The following DIPK2B variants were observed in gnomAD, a reference collection of about 807,000 sequenced individuals.
DIPK2B encodes divergent protein kinase domain 2B, also known as UPF0672 protein CXorf36.
In DIPK2B, 15 loss-of-function variants were observed where a neutral mutation model predicts 22.2. That is an observed-to-expected ratio of 0.68 (90% CI 0.45 to 1.04). The LOEUF (loss-of-function observed/expected upper bound fraction) is 1.04, where lower values mean the gene tolerates loss of function less well. Ranked by LOEUF, DIPK2B falls within the 50% of genes least tolerant of loss-of-function variation. The pLI is 0.00. For synonymous variants in DIPK2B, 163 were observed against 153.2 expected (o/e 1.06, Z -0.47); for missense variants, 345 against 348.3 (o/e 0.99, Z 0.08).
chrX:45,162,632 T>A, intron 2 of DIPK2B: 1 of 754,639 alleles, frequency 1.3e-6, no homozygotes, highest in African/African-American at 2.3e-5. Context: ...ATTTTGGGGA[T>A]TACCAATTGC....
At chrX:45,158,302 G>A (rs1420191891) in intron 2 of DIPK2B, among the ~76,000 whole-genome samples, 1 of 109,838 alleles carries the variant, frequency 9.1e-6, no homozygotes, top group Non-Finnish European at 1.9e-5. Flanking sequence ...GAAGGGGAGA[G>A]AAGGCGGACT....
chrX:45,172,698 C>T (rs1296842251), intron 2 of DIPK2B, among the ~76,000 whole-genome samples: 2 of 111,978 alleles, frequency 1.8e-5, no homozygotes, highest in Non-Finnish European at 3.8e-5. Flanking sequence ...ATAGTTGGGG[C>T]TAGCAGGGAA....
In DIPK2B at chrX:45,151,451, C is replaced by T. The variant is rs2148331699; in HGVS notation, c.*201G>A. 4.5e-6 allele frequency: 2 copies of T among 442,776 alleles called. No homozygotes were observed. Among genetic ancestry groups the T allele is most frequent in the East Asian group, 7.5e-5 (2 of 26,674 alleles). The allele number at this position is 442,776 out of a possible 1,213,427, so 36.5% of individuals were successfully genotyped here. On this transcript the variant is annotated 3_prime_UTR_variant, in exon 5 of 5. Coordinates refer to ENST00000398000, the MANE Select transcript of DIPK2B (RefSeq NM_176819.4). ...GTCCACACCCAGGTCTTCTGATGCC[C>T]ACCGCGGGCTTTGCCAGGACGTCCC...
At chrX:45,168,124 A>T (rs755500639) in intron 2 of DIPK2B, among the ~76,000 whole-genome samples, 1 of 112,870 alleles carries the variant, frequency 8.9e-6, no homozygotes, top group East Asian at 2.8e-4. Context: ...ATCTAAGTAG[A>T]TAGCTCCCAA....
At chrX:45,163,966 G>A (rs181848759) in intron 2 of DIPK2B, 6 of 945,872 alleles carry the variant, frequency 6.3e-6, no homozygotes, top group African/African-American at 2.0e-5. Flanking sequence ...GGAAAGAGCC[G>A]GGGCTTTGGA....
At chrX:45,178,394 G>C (rs1182135338) in intron 2 of DIPK2B, among the ~76,000 whole-genome samples, 1 of 110,782 alleles carries the variant, frequency 9.0e-6, no homozygotes, top group East Asian at 2.8e-4. Context: ...TTTGGTTCTG[G>C]CCATGACAGA....
At chrX:45,153,811 G>T in intron 4 of DIPK2B, 99 bp downstream of exon 4, 1 of 693,187 alleles carries the variant, frequency 1.4e-6, no homozygotes, top group East Asian at 3.5e-5. Context: ...ATGCAGAGAT[G>T]GGAAAGGCCC....
intron 2 of DIPK2B, among the ~76,000 whole-genome samples, chrX:45,181,712 A>G (rs2047154107): frequency 8.9e-6 from 1 of 112,401 alleles, no homozygotes; most frequent in Non-Finnish European, 1.9e-5. Context: ...GGGATGTATT[A>G]TAGATCTCTA....
chrX:45,164,314 T>C, intron 2 of DIPK2B: 1 of 1,119,922 alleles, frequency 8.9e-7, no homozygotes, highest in Non-Finnish European at 1.2e-6. Context: ...GTGACATTAA[T>C]TTTCGCAGCT....
intron 1 of DIPK2B, among the ~76,000 whole-genome samples, chrX:45,192,784 T>A (rs1293233921): frequency 1.8e-5 from 2 of 111,095 alleles, no homozygotes; most frequent in Non-Finnish European, 3.8e-5. Context: ...GGCTTATTTA[T>A]TTATTTATTT....
At chrX:45,166,238 G>A (rs1004080125) in intron 2 of DIPK2B, among the ~76,000 whole-genome samples, 1 of 111,546 alleles carries the variant, frequency 9.0e-6, no homozygotes, top group Non-Finnish European at 1.9e-5. Flanking sequence ...ATGCATGGTC[G>A]CTGGATGCCA....
At chrX:45,180,784 TC>T (rs2047146253) in intron 2 of DIPK2B, among the ~76,000 whole-genome samples, 1 of 111,945 alleles carries the variant, frequency 8.9e-6, no homozygotes, top group Non-Finnish European at 1.9e-5. Context: ...TATGTTTTTT[TC>T]CTATTCATAC....
chrX:45,188,194 CG>C (rs1414988889), intron 2 of DIPK2B, among the ~76,000 whole-genome samples: 2 of 111,803 alleles, frequency 1.8e-5, no homozygotes, highest in Non-Finnish European at 3.8e-5. Flanking sequence ...ATCAGAAAAA[CG>C]GGGTGGAGCT....
intron 2 of DIPK2B, among the ~76,000 whole-genome samples, chrX:45,173,104 G>GAT (rs1234163331): frequency 8.9e-6 from 1 of 111,859 alleles, no homozygotes; most frequent in Non-Finnish European, 1.9e-5. Context: ...AGCATCAGGA[G>GAT]ATTGTTTCTG....
rs1213338639 is a variant in DIPK2B, at chrX:45,200,661, C to T, written c.166G>A (p.Gly56Ser). 2.5e-6 allele frequency: 3 copies of T among 1,211,294 alleles called. No individual in the cohort carries two copies. Among genetic ancestry groups the T allele is most frequent in the Admixed American group, 2.2e-5 (1 of 45,956 alleles). Residue 56 changes from glycine (G) to serine (S), a missense_variant, in exon 1 of 5, where the codon GGT (glycine) becomes AGT (serine). Transcript: ENST00000398000. ...ATGCAGGCATTGCATTTATCAAGAC[C>T]GAGGAAAGTCCTTCCAAAATTGTAG... ...TSYNFGRTFL[G>S]LDKCNACIGT...
chrX:45,162,626 T>A (rs1244555434), intron 2 of DIPK2B: 2 of 753,062 alleles, frequency 2.7e-6, no homozygotes, highest in Non-Finnish European at 3.1e-6. Flanking sequence ...ACACCCATTT[T>A]GGGGATTACC....
intron 2 of DIPK2B, among the ~76,000 whole-genome samples, chrX:45,160,980 G>A (rs2047019671): frequency 1.8e-5 from 2 of 111,925 alleles, no homozygotes; most frequent in Non-Finnish European, 3.8e-5. Flanking sequence ...TTGCAGCTAG[G>A]TGTGATAATG....
intron 2 of DIPK2B, among the ~76,000 whole-genome samples, chrX:45,181,960 C>G (rs910348204): frequency 9.1e-6 from 1 of 110,118 alleles, no homozygotes; most frequent in African/African-American, 3.3e-5. Context: ...ACCTGTAGTC[C>G]CAGCTACTTG....
intron 2 of DIPK2B, among the ~76,000 whole-genome samples, chrX:45,170,648 T>C (rs1233040994): frequency 8.9e-6 from 1 of 112,069 alleles, no homozygotes; most frequent in Non-Finnish European, 1.9e-5. Flanking sequence ...TGTTGTTAAA[T>C]CAGAGGAGGA....
Sources: allele counts gnomAD v4.1 joint callset (sites outside exome capture counted in the v4.1 genomes callset), GRCh38; gene constraint gnomAD v4.1.1; transcripts MANE v1.5; gene names NCBI Gene and HGNC (gene_info 2026-07-23, HGNC 2026-07-21).